NDST3: variants seen among roughly 807,000 people sequenced by gnomAD.
NDST3 encodes the protein N-deacetylase and N-sulfotransferase 3, also known as bifunctional heparan sulfate N-deacetylase/N-sulfotransferase 3.
A neutral mutation model predicts 96.1 loss-of-function variants in NDST3; 58 were observed. That is an observed-to-expected ratio of 0.60 (90% CI 0.49 to 0.75). NDST3 has a LOEUF of 0.75. Among genes scored for constraint, NDST3 ranks in the 30% least tolerant of loss-of-function variants. The pLI is 0.00. For synonymous variants in NDST3, 333 were observed against 359.7 expected (o/e 0.93, Z 0.84); for missense variants, 788 against 1,034.2 (o/e 0.76, Z 3.27).
chr4:118,230,366 G>A (rs756913831), intron 8 of NDST3, among the ~76,000 whole-genome samples: 1 of 152,098 alleles, frequency 6.6e-6, no homozygotes, highest in South Asian at 2.1e-4. Flanking sequence ...GAGAGGTCAG[G>A]AGATCGAGAC....
chr4:118,109,507 T>C (rs1328860556), intron 3 of NDST3, among the ~76,000 whole-genome samples: 1 of 152,170 alleles, frequency 6.6e-6, no homozygotes, highest in Admixed American at 6.5e-5. Flanking sequence ...CTTGGGCACT[T>C]CCCACAGCTC....
chr4:118,163,376 A>G (rs1344543854), intron 6 of NDST3, among the ~76,000 whole-genome samples: 4 of 152,220 alleles, frequency 2.6e-5, no homozygotes, highest in Non-Finnish European at 4.4e-5. Context: ...GATAGACTGG[A>G]TTAAGAAAAT....
intron 6 of NDST3, among the ~76,000 whole-genome samples, chr4:118,222,351 G>C (rs1311275830): frequency 6.6e-6 from 1 of 151,714 alleles, no homozygotes. Flanking sequence ...TACATGTTCA[G>C]CAAAAGATAT....
chr4:118,065,315 C>G (rs780918468), intron 2 of NDST3, among the ~76,000 whole-genome samples: 1 of 152,106 alleles, frequency 6.6e-6, no homozygotes, highest in Non-Finnish European at 1.5e-5. Flanking sequence ...CAAACAATTA[C>G]TCTAGATCTC....
intron 6 of NDST3, among the ~76,000 whole-genome samples, chr4:118,213,261 T>G (rs1170654100): frequency 1.3e-5 from 2 of 152,204 alleles, no homozygotes; most frequent in Non-Finnish European, 2.9e-5. Context: ...CCTTTATGAT[T>G]TGTTCTTATT....
chr4:118,156,989 CA>C (rs1255254680), intron 6 of NDST3, among the ~76,000 whole-genome samples: 1 of 152,086 alleles, frequency 6.6e-6, no homozygotes, highest in Non-Finnish European at 1.5e-5. Context: ...TTTTAATGAA[CA>C]ATCTGAGTGC....
intron 2 of NDST3, among the ~76,000 whole-genome samples, chr4:118,062,683 A>T (rs941005260): frequency 6.6e-6 from 1 of 152,106 alleles, no homozygotes; most frequent in Non-Finnish European, 1.5e-5. Flanking sequence ...AAGGGAAAAA[A>T]CATTTCATAT....
chr4:118,197,500 T>C (rs894752287), intron 6 of NDST3, among the ~76,000 whole-genome samples: 1 of 152,212 alleles, frequency 6.6e-6, no homozygotes, highest in South Asian at 2.1e-4. Context: ...CAGCATTCAG[T>C]GCATATATAT....
chr4:118,230,196 T>C (rs1400635034), intron 8 of NDST3, among the ~76,000 whole-genome samples: 2 of 152,224 alleles, frequency 1.3e-5, no homozygotes, highest in Admixed American at 1.3e-4. Flanking sequence ...CAATAAATTT[T>C]AGATATTGCT....
At chr4:118,194,780 T>A in intron 6 of NDST3, 1 of 423,804 alleles carries the variant, frequency 2.4e-6, no homozygotes, top group Non-Finnish European at 4.3e-6. Context: ...TTCTGGGAGC[T>A]GGCACCGGCA....
In NDST3 at chr4:118,241,916, C is replaced by T. The variant is rs538801517; in HGVS notation, c.2290-124C>T. The stretch of plus-strand genomic sequence containing the variant: ...TGAGGATGACCTGGATTCTATCTAA[C>T]ACCAATGCATGCAATTCTGCTCAGG... On this transcript the variant is annotated intron_variant, in intron 11 of 13. Coordinates refer to ENST00000296499, the MANE Select transcript of NDST3 (RefSeq NM_004784.3). 72 of 613,482 alleles carry T rather than the reference C, an allele frequency of 1.2e-4. 2 individuals are homozygous for T. The South Asian group carries it at 1.5e-3, about 13-fold the overall frequency. 38.0% of individuals were successfully genotyped at this position (613,482 alleles called of 1,614,324 possible). A position where few individuals can be genotyped will look rare whatever the true frequency, so the allele number is the denominator to read the frequency against.
chr4:118,092,038 G>T (rs1728911112), intron 2 of NDST3, among the ~76,000 whole-genome samples: 1 of 105,052 alleles, frequency 9.5e-6, no homozygotes. Flanking sequence ...ACTCTGTGAG[G>T]TAGGTATTTT....
chr4:118,034,713 C>G (rs765144642), intron 1 of NDST3, 121 bp downstream of exon 1: 9 of 152,286 alleles, frequency 5.9e-5, no homozygotes, highest in Middle Eastern at 3.4e-3. Context: ...ACAAGTGCTT[C>G]ATTTTATTCT....
chr4:118,104,912 T>G (rs956027496), intron 2 of NDST3, 106 bp from the exon 3 acceptor site: 1 of 769,654 alleles, frequency 1.3e-6, no homozygotes, highest in Non-Finnish European at 2.1e-6. Flanking sequence ...AATTCTCACA[T>G]GTATAAGGAA....
chr4:118,105,286 A>G (rs1022587805), intron 3 of NDST3, among the ~76,000 whole-genome samples, 181 bp downstream of exon 3: 1 of 152,122 alleles, frequency 6.6e-6, no homozygotes, highest in Non-Finnish European at 1.5e-5. Flanking sequence ...TTGAAAGTTT[A>G]TGGAACTATC....
chr4:118,114,980 G>C lies in NDST3; in HGVS notation c.1224+20G>C. On this transcript the variant is annotated intron_variant, in intron 4 of 13. Coordinates refer to ENST00000296499, the MANE Select transcript of NDST3 (RefSeq NM_004784.3). ...GCCTTAGTAAGTAACTCACTTTGTT[G>C]CATTGAAGTAGTGTACACTGATTGG... is the stretch of plus-strand genomic sequence containing the variant. The C allele has an allele frequency of 6.2e-7, 1 of 1,612,500 alleles. No individual in the cohort carries two copies. The highest frequency in any genetic ancestry group is 2.2e-5 in the East Asian group (1 of 44,844).
chr4:118,077,057 G>A lies in NDST3; in HGVS notation c.981+22166G>A, dbSNP rs116912673. Among the ~76,000 whole-genome samples the A allele has an allele frequency of 3.6e-4, 55 of 152,306 alleles. 1 individual carries two copies. The East Asian group carries it at 0.01, about 28-fold the overall frequency. On this transcript the variant is annotated intron_variant, in intron 2 of 13. Transcript: ENST00000296499. ...TTCTGAAAGATTTCAGGGGGCCAAG[G>A]CTCAGTTCAGCAATCTTGGGCTACA... is the stretch of plus-strand genomic sequence containing the variant.
chr4:118,236,948 T>C (rs1171745482), intron 9 of NDST3, 98 bp from the exon 10 acceptor site: 1 of 921,770 alleles, frequency 1.1e-6, no homozygotes, highest in Non-Finnish European at 1.5e-6. Context: ...GCCTTTTATT[T>C]AGGAAACACA....
At chr4:118,252,198 A>G (rs1741789376) in intron 12 of NDST3, among the ~76,000 whole-genome samples, 1 of 152,230 alleles carries the variant, frequency 6.6e-6, no homozygotes, top group Non-Finnish European at 1.5e-5. Flanking sequence ...TTGCTATTAC[A>G]TTCACTTTTA....
Sources: gnomAD v4.1 joint callset for allele counts (sites outside exome capture counted in the v4.1 genomes callset) on GRCh38, gnomAD v4.1.1 for gene constraint, MANE v1.5 for transcripts, NCBI Gene and HGNC (gene_info 2026-07-23, HGNC 2026-07-21) for gene names.